DSCAM: variants seen among roughly 807,000 people sequenced by gnomAD.
DSCAM encodes the protein DS cell adhesion molecule.
Under a neutral mutation model 217.7 loss-of-function variants are expected in DSCAM, and 47 were observed. That is an observed-to-expected ratio of 0.22 (90% CI 0.17 to 0.28). The LOEUF (loss-of-function observed/expected upper bound fraction) is 0.28, where lower values mean the gene tolerates loss of function less well. Ranked by LOEUF, DSCAM falls within the 10% of genes least tolerant of loss-of-function variation. DSCAM has a pLI of 1.00. For missense variants in DSCAM, 2,080 were observed against 2,618.3 expected (o/e 0.79, Z 4.49); for synonymous variants, 1,056 against 1,015.3 (o/e 1.04, Z -0.76).
At chr21:40,206,776 T>C (rs2091131673) in intron 11 of DSCAM, among the ~76,000 whole-genome samples, 1 of 151,126 alleles carries the variant, frequency 6.6e-6, no homozygotes, top group Admixed American at 6.6e-5. Context: ...CTGAGCATGG[T>C]AGCACATGAC....
chr21:40,519,128 A>T (rs1352325817), intron 3 of DSCAM, among the ~76,000 whole-genome samples: 2 of 152,214 alleles, frequency 1.3e-5, no homozygotes, highest in Non-Finnish European at 2.9e-5. Flanking sequence ...TGTATTTATG[A>T]ATCTGGTAAT....
At position 40,349,136 on chromosome 21, in the gene DSCAM, C is replaced by CAAAAAAAAAAAAAA. The variant is rs758386936; in HGVS notation, c.935-1205_935-1192dup. Among the ~76,000 whole-genome samples the CAAAAAAAAAAAAAA allele has an allele frequency of 1.4e-3, 56 of 38,670 alleles. 1 individual carries two copies. The highest frequency in any genetic ancestry group is 4.5e-3 in the South Asian group (3 of 660). The allele number at this position is 38,670 out of a possible 152,430, so 25.4% of individuals were successfully genotyped here. A position where few individuals can be genotyped will look rare whatever the true frequency, so the allele number is the denominator to read the frequency against. On this transcript the variant is annotated intron_variant, in intron 5 of 32. Coordinates refer to ENST00000400454, the MANE Select transcript of DSCAM (RefSeq NM_001389.5). The stretch of plus-strand genomic sequence containing the variant: ...TGGGGGACAGAGTGAGACTCCATCT[C>CAAAAAAAAAAAAAA]AAAAAAAAAAAAAAAAAAAGAAATG...
At chr21:40,578,049 T>C (rs779318730) in intron 3 of DSCAM, among the ~76,000 whole-genome samples, 1 of 152,126 alleles carries the variant, frequency 6.6e-6, no homozygotes, top group Non-Finnish European at 1.5e-5. Flanking sequence ...AAAACAGAGT[T>C]AGTAAAAACA....
In DSCAM at chr21:40,510,483, G is replaced by T. The variant is rs546757208; in HGVS notation, c.509-141238C>A. On this transcript the variant is annotated intron_variant, in intron 3 of 32. Transcript: ENST00000400454. ...TTTGATAATGGTTTGATAAACATTT[G>T]TTCGAAATCAAACGTGACGATTGAC... Among the ~76,000 whole-genome samples the T allele has an allele frequency of 1.5e-4, 23 of 152,284 alleles. No individual in the cohort carries two copies. The South Asian group carries it at 4.8e-3, about 32-fold the overall frequency.
At chr21:40,525,930 C>G (rs2076396845) in intron 3 of DSCAM, among the ~76,000 whole-genome samples, 1 of 152,114 alleles carries the variant, frequency 6.6e-6, no homozygotes, top group South Asian at 2.1e-4. Flanking sequence ...GTATCTCAGA[C>G]ATGATCATTT....
intron 1 of DSCAM, among the ~76,000 whole-genome samples, chr21:40,789,964 A>G (rs1034902103): frequency 2.0e-5 from 3 of 152,076 alleles, no homozygotes; most frequent in African/African-American, 7.2e-5. Context: ...CAAAGTCTAT[A>G]TGGCTCTGAT....
intron 11 of DSCAM, among the ~76,000 whole-genome samples, chr21:40,262,476 G>C (rs897923958): frequency 6.6e-6 from 1 of 152,098 alleles, no homozygotes. Flanking sequence ...CCAGTCTCAA[G>C]TAATAATTAT....
intron 3 of DSCAM, among the ~76,000 whole-genome samples, chr21:40,649,885 G>GGAGA (rs759520069): frequency 6.6e-6 from 1 of 152,092 alleles, no homozygotes; most frequent in African/African-American, 2.4e-5. Context: ...AAGGAAACTT[G>GGAGA]GAGAGAGAGA....
At chr21:40,667,427 C>A (rs34513174) in intron 3 of DSCAM, among the ~76,000 whole-genome samples, 22,159 of 152,158 alleles carry the variant, frequency 0.15, 1,668 homozygotes, top group East Asian at 0.23. Flanking sequence ...AAAATAAATA[C>A]TTGCATATTT....
intron 3 of DSCAM, among the ~76,000 whole-genome samples, chr21:40,375,789 A>G (rs2074944229): frequency 6.6e-6 from 1 of 152,174 alleles, no homozygotes; most frequent in Non-Finnish European, 1.5e-5. Flanking sequence ...TATTGCTTGT[A>G]TTCAAAACAT....
chr21:40,174,434 C>T (rs1382902937), intron 15 of DSCAM, among the ~76,000 whole-genome samples: 1 of 152,016 alleles, frequency 6.6e-6, no homozygotes, highest in East Asian at 1.9e-4. Context: ...ATCTAAAACT[C>T]AAATTCCCAT....
intron 20 of DSCAM, among the ~76,000 whole-genome samples, chr21:40,117,223 T>C (rs1033657236): frequency 6.6e-6 from 1 of 152,270 alleles, no homozygotes; most frequent in Middle Eastern, 3.4e-3. Context: ...AGTCATCATC[T>C]ATAAAATTTA....
chr21:40,591,895 T>C (rs538498776), intron 3 of DSCAM, among the ~76,000 whole-genome samples: 1 of 152,346 alleles, frequency 6.6e-6, no homozygotes, highest in South Asian at 2.1e-4. Flanking sequence ...TTATGTGTCA[T>C]AGAAACTACA....
At chr21:40,760,394 T>C (rs2091321194) in intron 1 of DSCAM, among the ~76,000 whole-genome samples, 1 of 152,136 alleles carries the variant, frequency 6.6e-6, no homozygotes, top group South Asian at 2.1e-4. Flanking sequence ...GTTTTTTACA[T>C]CATGAAACTG....
chr21:40,708,151 T>C (rs912497713), intron 2 of DSCAM, among the ~76,000 whole-genome samples: 4 of 152,220 alleles, frequency 2.6e-5, no homozygotes, highest in South Asian at 2.1e-4. Context: ...AGCAAACACA[T>C]TGGGTTTGAG....
At chr21:40,376,692 CA>C (rs1414897242) in intron 3 of DSCAM, among the ~76,000 whole-genome samples, 7 of 60,908 alleles carry the variant, frequency 1.1e-4, no homozygotes, top group African/African-American at 4.8e-4. Flanking sequence ...TCATATATAT[CA>C]TATATATCTT....
chr21:40,053,611 G>C (rs745403512), intron 29 of DSCAM, among the ~76,000 whole-genome samples: 1 of 152,148 alleles, frequency 6.6e-6, no homozygotes, highest in Non-Finnish European at 1.5e-5. Context: ...GATTCTTGTG[G>C]TCAGAGCCCA....
At chr21:40,551,095 T>C (rs767766386) in intron 3 of DSCAM, among the ~76,000 whole-genome samples, 4 of 152,212 alleles carry the variant, frequency 2.6e-5, no homozygotes, top group Non-Finnish European at 4.4e-5. Flanking sequence ...AAGAGGTTTA[T>C]TCTGAGCCAA....
intron 1 of DSCAM, among the ~76,000 whole-genome samples, chr21:40,784,682 T>C (rs2091577485): frequency 6.6e-6 from 1 of 152,196 alleles, no homozygotes; most frequent in African/African-American, 2.4e-5. Context: ...CCCTCAGGAA[T>C]GGGATTAGTA....
Sources: allele counts gnomAD v4.1 joint callset (sites outside exome capture counted in the v4.1 genomes callset), GRCh38; gene constraint gnomAD v4.1.1; transcripts MANE v1.5; gene names NCBI Gene and HGNC (gene_info 2026-07-23, HGNC 2026-07-21).